Variants in LMF1 observed in about 807,000 individuals in gnomAD.
LMF1 encodes the protein transmembrane protein 112.
A neutral mutation model predicts 60.6 loss-of-function variants in LMF1; 68 were observed. The observed-to-expected ratio is 1.12, with a 90% confidence interval of 0.92 to 1.37. The LOEUF (loss-of-function observed/expected upper bound fraction) is 1.37. Among genes scored for constraint, LMF1 ranks in the 40% most tolerant of loss-of-function variants. The pLI is 0.00. For missense variants in LMF1, 948 were observed against 767.2 expected (o/e 1.24, Z -2.78); for synonymous variants, 418 against 324.7 (o/e 1.29, Z -3.09).
At chr16:952,756 T>A (rs1018010212) in intron 2 of LMF1, 1 of 140,748 alleles carries the variant, frequency 7.1e-6, no homozygotes, top group Non-Finnish European at 1.5e-5. Flanking sequence ...CATCCCCAGC[T>A]TCCTACACAT....
At position 869,063 on chromosome 16, in the gene LMF1, G is replaced by A; in HGVS notation, c.1417-7C>T. The A allele has an allele frequency of 6.3e-7, 1 of 1,595,198 alleles. No individual in the cohort carries two copies. Among genetic ancestry groups the A allele is most frequent in the South Asian group, 1.1e-5 (1 of 90,730 alleles). On this transcript the variant is annotated splice_region_variant and splice_polypyrimidine_tract_variant and intron_variant, in intron 9 of 10. Coordinates refer to ENST00000262301, the MANE Select transcript of LMF1 (RefSeq NM_022773.4). ...AGTCGTTGTGCTCGTAGGTCTGGGA[G>A]GAGAGGTCGGGCTGGAGACGGCTGT...
chr16:931,663 G>A lies in LMF1; in HGVS notation c.514+2581C>T, dbSNP rs889420348. 7.8e-6 allele frequency: 10 copies of A among 1,287,056 alleles called. No homozygotes were observed. In the African/African-American group the frequency reaches 1.4e-4, roughly 18 times the overall value. 79.7% of individuals were successfully genotyped at this position (1,287,056 alleles called of 1,614,324 possible). On this transcript the variant is annotated intron_variant, in intron 3 of 10. Transcript: ENST00000262301. Reference sequence around the variant, plus strand: ...ATACCTCAGTAACTGGCAGCTCTATGTTCTCCAAGATCAGGGAAGGGAAGA... The same window carrying A: ...ATACCTCAGTAACTGGCAGCTCTATATTCTCCAAGATCAGGGAAGGGAAGA...
chr16:913,002 C>T (rs925926639), intron 3 of LMF1, among the ~76,000 whole-genome samples: 10 of 152,228 alleles, frequency 6.6e-5, no homozygotes, highest in East Asian at 3.9e-4. Flanking sequence ...GGCACCCGAA[C>T]GAGGCGGCAA....
At chr16:938,675 C>A (rs2072010360) in intron 2 of LMF1, among the ~76,000 whole-genome samples, 1 of 152,172 alleles carries the variant, frequency 6.6e-6, no homozygotes, top group Admixed American at 6.5e-5. Context: ...GCTGTTGAAG[C>A]CAGGCAGCGC....
chr16:973,017 C>T (rs932952508), upstream of LMF1, among the ~76,000 whole-genome samples: 3 of 152,182 alleles, frequency 2.0e-5, no homozygotes, highest in Non-Finnish European at 4.4e-5. Context: ...CCATTTCAGC[C>T]TGAATTTAAT....
intron 5 of LMF1, among the ~76,000 whole-genome samples, chr16:887,661 C>T (rs113878587): frequency 1.2e-4 from 19 of 152,146 alleles, no homozygotes; most frequent in Admixed American, 1.0e-3. Flanking sequence ...GTCCGCCCCA[C>T]GCAGAGTGCG....
chr16:906,889 T>G (rs542302811), intron 4 of LMF1, among the ~76,000 whole-genome samples: 1 of 152,284 alleles, frequency 6.6e-6, no homozygotes, highest in African/African-American at 2.4e-5. Flanking sequence ...TAGCTCAAAT[T>G]GGTGACGATG....
chr16:969,045 G>C (rs1199914322), intron 1 of LMF1: 1 of 152,228 alleles, frequency 6.6e-6, no homozygotes, highest in African/African-American at 2.4e-5. Flanking sequence ...AATAATTGCA[G>C]GCCGGGCATA....
rs928250339 is a variant in LMF1, at chr16:874,149, T to G, written c.898-2808A>C. 6.6e-6 allele frequency among the ~76,000 whole-genome samples: 1 copy of G among 152,120 alleles called. No homozygotes were observed. The highest frequency in any genetic ancestry group is 1.5e-5 in the Non-Finnish European group (1 of 68,016). On this transcript the variant is annotated intron_variant, in intron 6 of 10. Coordinates refer to ENST00000262301, the MANE Select transcript of LMF1 (RefSeq NM_022773.4). The surrounding 1 kb of genome is among the most constrained non-coding windows in gnomAD (Gnocchi z 4.1). The stretch of plus-strand genomic sequence containing the variant: ...TGTGAACGTGCTGGAGGCCCCCGAG[T>G]TCACTTCAAAAGCATGAACTTACTT...
chr16:878,143 C>T lies in LMF1; in HGVS notation c.897+1427G>A, dbSNP rs1006417787. On this transcript the variant is annotated intron_variant, in intron 6 of 10. Transcript: ENST00000262301. The surrounding 1 kb of genome is among the most constrained non-coding windows in gnomAD (Gnocchi z 5.2). Reference sequence around the variant, plus strand: ...AAGCTATTCCAGGAGCCCCCAAACACGCGTGGGGTCCGGCTACATGGAACC... The same window carrying T: ...AAGCTATTCCAGGAGCCCCCAAACATGCGTGGGGTCCGGCTACATGGAACC... 7.2e-4 allele frequency among the ~76,000 whole-genome samples: 110 copies of T among 152,230 alleles called. 1 individual carries two copies. Among genetic ancestry groups the T allele is most frequent in the East Asian group, 1.9e-4 (1 of 5,172 alleles).
intron 3 of LMF1, 38 bp downstream of exon 3, chr16:934,206 A>C: frequency 6.3e-7 from 1 of 1,599,306 alleles, no homozygotes; most frequent in South Asian, 1.1e-5. Context: ...CACAACGCTC[A>C]ACTCTCGCAG....
chr16:923,255 G>T (rs1042026348), intron 3 of LMF1, among the ~76,000 whole-genome samples: 6 of 152,228 alleles, frequency 3.9e-5, no homozygotes, highest in African/African-American at 1.4e-4. Context: ...GTGTGGGGCG[G>T]ATGTGGCAGC....
intron 10 of LMF1, among the ~76,000 whole-genome samples, chr16:859,898 G>T: frequency 7.0e-6 from 1 of 142,602 alleles, no homozygotes; most frequent in South Asian, 2.1e-4. Context: ...GGTGTCTCGG[G>T]ATGGGTGTGC....
At chr16:972,296 T>C (rs536171797), upstream of LMF1, among the ~76,000 whole-genome samples, 4 of 152,348 alleles carry the variant, frequency 2.6e-5, no homozygotes, top group African/African-American at 9.6e-5. Flanking sequence ...AATGGGACCC[T>C]GTTAAAGATG....
rs573273784 is a variant in LMF1, at chr16:870,754, C to T, written c.1207G>A (p.Val403Ile). 23 of 1,612,974 alleles carry T rather than the reference C, an allele frequency of 1.4e-5. No homozygotes were observed. Among genetic ancestry groups the T allele is most frequent in the Admixed American group, 1.2e-4 (7 of 60,014 alleles). Residue 403 changes from valine (V) to isoleucine (I), a missense_variant, in exon 8 of 11, where the codon GTC (valine) becomes ATC (isoleucine). Physicochemically the swap from Val to Ile is conservative, Grantham distance 29. Transcript: ENST00000262301. Reference sequence around the variant, plus strand: ...CTTCCGAAGGCCCCGTAAGTGTTGACGATGTGAAGAGAGTTGAAGTGGGTG... The same window carrying T: ...CTTCCGAAGGCCCCGTAAGTGTTGATGATGTGAAGAGAGTTGAAGTGGGTG... ...MNTHFNSLHI[V>I]NTYGAFGSIT... is the part of the protein sequence containing the mutation.
At chr16:916,089 C>G (rs1234809757) in intron 3 of LMF1, among the ~76,000 whole-genome samples, 3 of 152,168 alleles carry the variant, frequency 2.0e-5, no homozygotes, top group African/African-American at 4.8e-5. Context: ...TGAGCCGCCT[C>G]TGACCAAGGA....
chr16:926,978 C>A (rs2071628573), intron 3 of LMF1, among the ~76,000 whole-genome samples: 1 of 152,220 alleles, frequency 6.6e-6, no homozygotes, highest in South Asian at 2.1e-4. Flanking sequence ...GAGAACACCA[C>A]TCCTGGAGCC....
intron 1 of LMF1, among the ~76,000 whole-genome samples, chr16:955,412 G>C (rs57458703): frequency 0.39 from 28,779 of 74,260 alleles, 5,786 homozygotes; most frequent in African/African-American, 0.63. Context: ...GCACACACAT[G>C]TAAGTGAACC....
intron 2 of LMF1, among the ~76,000 whole-genome samples, chr16:939,986 G>C (rs919060125): frequency 6.6e-6 from 1 of 152,132 alleles, no homozygotes; most frequent in Non-Finnish European, 1.5e-5. Flanking sequence ...AGGGCGTCCT[G>C]GACTATGTGA....
Sources: gnomAD v4.1 joint callset for allele counts (sites outside exome capture counted in the v4.1 genomes callset) on GRCh38, gnomAD v4.1.1 for gene constraint, Gnocchi (gnomAD v3.1) non-coding constraint, MANE v1.5 for transcripts, NCBI Gene and HGNC (gene_info 2026-07-23, HGNC 2026-07-21) for gene names.